DLG2: variants seen among roughly 807,000 people sequenced by gnomAD.
The protein encoded by DLG2 is discs large MAGUK scaffold protein 2.
Under a neutral mutation model 132.5 loss-of-function variants are expected in DLG2, and 45 were observed. The observed-to-expected ratio is 0.34, with a 90% confidence interval of 0.27 to 0.44. DLG2 has a LOEUF of 0.44. Among genes scored for constraint, DLG2 ranks in the 20% least tolerant of loss-of-function variants. The probability of loss-of-function intolerance (pLI) is 1.00; values close to 1 mark genes in which losing one functional copy is unlikely to be tolerated. For synonymous variants in DLG2, 424 were observed against 419.6 expected (o/e 1.01, Z -0.13); for missense variants, 1,045 against 1,196.9 (o/e 0.87, Z 1.87).
intron 3 of DLG2, among the ~76,000 whole-genome samples, chr11:85,437,619 A>G (rs1266187765): frequency 6.6e-6 from 1 of 152,182 alleles, no homozygotes; most frequent in East Asian, 1.9e-4. Flanking sequence ...ACTCTATTCA[A>G]TTATTGAGTT....
chr11:85,131,322 T>C (rs957203535), intron 5 of DLG2, among the ~76,000 whole-genome samples: 2 of 152,118 alleles, frequency 1.3e-5, no homozygotes, highest in African/African-American at 4.8e-5. Flanking sequence ...ATTAATTATG[T>C]TTCACAGTAT....
At chr11:84,610,121 T>C (rs2099592782) in intron 6 of DLG2, among the ~76,000 whole-genome samples, 1 of 152,130 alleles carries the variant, frequency 6.6e-6, no homozygotes, top group African/African-American at 2.4e-5. Context: ...AGTGGGGCAC[T>C]GATGAAATAC....
intron 7 of DLG2, among the ~76,000 whole-genome samples, chr11:84,293,143 C>T (rs770863854): frequency 6.6e-6 from 1 of 151,212 alleles, no homozygotes; most frequent in African/African-American, 2.4e-5. Context: ...GTGTGTGTGT[C>T]GGGTGTGGGG....
chr11:84,589,737 T>C (rs922219065), intron 6 of DLG2, among the ~76,000 whole-genome samples: 1 of 152,220 alleles, frequency 6.6e-6, no homozygotes, highest in African/African-American at 2.4e-5. Context: ...AGGGGTCATG[T>C]CTTAATCATC....
At chr11:84,221,619 T>A (rs2096917685) in intron 8 of DLG2, among the ~76,000 whole-genome samples, 1 of 152,208 alleles carries the variant, frequency 6.6e-6, no homozygotes, top group Non-Finnish European at 1.5e-5. Flanking sequence ...CTGTACAGCA[T>A]TTTAAGAAAA....
chr11:85,406,567 A>T (rs760343462), intron 3 of DLG2, among the ~76,000 whole-genome samples: 1 of 151,962 alleles, frequency 6.6e-6, no homozygotes, highest in Non-Finnish European at 1.5e-5. Context: ...CCATAAAGAT[A>T]CGATGACTGG....
intron 6 of DLG2, among the ~76,000 whole-genome samples, chr11:84,942,056 T>C (rs768395787): frequency 2.6e-4 from 40 of 152,282 alleles, no homozygotes; most frequent in Non-Finnish European, 5.3e-4. Context: ...CTCATAGTAG[T>C]CTCTAATTAG....
At chr11:83,628,469 T>A (rs1045458591) in intron 19 of DLG2, among the ~76,000 whole-genome samples, 1 of 152,194 alleles carries the variant, frequency 6.6e-6, no homozygotes, top group African/African-American at 2.4e-5. Context: ...ATGCTCATGT[T>A]GTCTAGCTGT....
intron 6 of DLG2, among the ~76,000 whole-genome samples, chr11:84,877,887 C>G (rs985781222): frequency 2.0e-5 from 3 of 151,960 alleles, no homozygotes; most frequent in Non-Finnish European, 4.4e-5. Flanking sequence ...ACAACCCCAT[C>G]AAAAAGTGGG....
At chr11:84,513,037 G>T (rs994760315) in intron 7 of DLG2, among the ~76,000 whole-genome samples, 1 of 152,008 alleles carries the variant, frequency 6.6e-6, no homozygotes, top group Non-Finnish European at 1.5e-5. Context: ...CCTAACTCAT[G>T]CGGGGCTTAA....
chr11:84,273,175 T>C (rs1338557277), intron 7 of DLG2: 1 of 1,561,910 alleles, frequency 6.4e-7, no homozygotes, highest in Non-Finnish European at 8.6e-7. Context: ...GTTGCATAGC[T>C]TGTTCACATT....
At chr11:83,563,611 G>A (rs1374013570) in intron 19 of DLG2, among the ~76,000 whole-genome samples, 1 of 152,182 alleles carries the variant, frequency 6.6e-6, no homozygotes, top group Non-Finnish European at 1.5e-5. Flanking sequence ...ACTAGGTGCT[G>A]GGTCCTCTGC....
chr11:84,741,268 G>GTGTTAGCCAGGA (rs1555198284), intron 6 of DLG2, among the ~76,000 whole-genome samples: 1 of 151,362 alleles, frequency 6.6e-6, no homozygotes, highest in Non-Finnish European at 1.5e-5. Flanking sequence ...GGGTTTCACC[G>GTGTTAGCCAGGA]TGGTCTCGAT....
intron 6 of DLG2, among the ~76,000 whole-genome samples, chr11:85,050,505 G>A (rs1049465189): frequency 1.3e-5 from 2 of 151,928 alleles, no homozygotes; most frequent in Non-Finnish European, 2.9e-5. Context: ...GAACAAACAG[G>A]AAGACAATGG....
chr11:85,113,762 G>A (rs905828078), intron 5 of DLG2, among the ~76,000 whole-genome samples: 1 of 151,976 alleles, frequency 6.6e-6, no homozygotes, highest in African/African-American at 2.4e-5. Flanking sequence ...ATCATTCAAT[G>A]TGGAGAGAGG....
At chr11:84,645,713 A>C (rs1185554827) in intron 6 of DLG2, among the ~76,000 whole-genome samples, 1 of 152,106 alleles carries the variant, frequency 6.6e-6, no homozygotes, top group Non-Finnish European at 1.5e-5. Flanking sequence ...GTGATCCGCC[A>C]GCCTCAGCCT....
chr11:85,221,125 C>T (rs998057579), intron 4 of DLG2, among the ~76,000 whole-genome samples: 1 of 151,694 alleles, frequency 6.6e-6, no homozygotes. Context: ...TCACTGCAAG[C>T]TCTGCCCCCT....
chr11:84,761,104 T>G (rs553164518), intron 6 of DLG2, among the ~76,000 whole-genome samples: 1 of 152,266 alleles, frequency 6.6e-6, no homozygotes, highest in East Asian at 1.9e-4. Flanking sequence ...ACATACAAGG[T>G]GTCTGAAAAT....
chr11:84,167,639 G>A (rs17146978), intron 8 of DLG2, among the ~76,000 whole-genome samples: 8,682 of 151,946 alleles, frequency 0.057, 310 homozygotes, highest in African/African-American at 0.089. Flanking sequence ...CTTCATTAAG[G>A]CTAAGGATAT....
Sources: gnomAD v4.1 joint callset for allele counts (sites outside exome capture counted in the v4.1 genomes callset) on GRCh38, gnomAD v4.1.1 for gene constraint, MANE v1.5 for transcripts, NCBI Gene and HGNC (gene_info 2026-07-23, HGNC 2026-07-21) for gene names.